The following TRIO variants were observed in gnomAD, a reference collection of about 807,000 sequenced individuals.
TRIO encodes triple functional domain protein.
In TRIO, 58 loss-of-function variants were observed where a neutral mutation model predicts 351.9. The ratio of observed to expected loss-of-function variants is 0.16; its 90% confidence interval spans 0.13 to 0.21. The LOEUF is 0.21. Among genes scored for constraint, TRIO ranks in the 10% least tolerant of loss-of-function variants. The pLI is 1.00. For synonymous variants in TRIO, 1,758 were observed against 1,595.7 expected (o/e 1.10, Z -2.42); for missense variants, 3,201 against 4,027.8 (o/e 0.79, Z 5.56).
intron 41 of TRIO, among the ~76,000 whole-genome samples, chr5:14,478,020 T>C (rs1755219436): frequency 6.6e-6 from 1 of 152,184 alleles, no homozygotes; most frequent in Admixed American, 6.5e-5. Context: ...TTCAAGAAAA[T>C]GTCTAGCAGA....
intron 1 of TRIO, among the ~76,000 whole-genome samples, chr5:14,241,488 G>C (rs1794126249): frequency 6.6e-6 from 1 of 152,190 alleles, no homozygotes; most frequent in East Asian, 1.9e-4. Flanking sequence ...GGGAGTAATA[G>C]AGTAAGCTGT....
chr5:14,185,880 C>A (rs1790077519), intron 1 of TRIO, among the ~76,000 whole-genome samples: 1 of 152,134 alleles, frequency 6.6e-6, no homozygotes, highest in Admixed American at 6.5e-5. Context: ...TGGAGTTTTT[C>A]ATCTTCCAAT....
chr5:14,492,647 C>G lies in TRIO; in HGVS notation c.7713C>G (p.Asn2571Lys). 1 of 1,614,166 alleles carries G rather than the reference C, an allele frequency of 6.2e-7. No individual in the cohort carries two copies. Among genetic ancestry groups the G allele is most frequent in the African/African-American group, 1.3e-5 (1 of 75,032 alleles). The change falls in exon 49 of 57, where the codon AAC becomes AAG. Residue 2571 changes from asparagine to lysine, a missense_variant. This residue lies in a region of TRIO where 1,089 missense variants were observed against 954.9 expected (regional missense o/e 1.14). Coordinates refer to ENST00000344204, the MANE Select transcript of TRIO (RefSeq NM_007118.4). Reference protein sequence around the residue: ...DYTAVKEDEINVYQGEVVQIL... With the variant: ...DYTAVKEDEIKVYQGEVVQIL... ...CGGCAGTGAAGGAGGATGAGATCAACGTCTACCAAGGAGAGGTCGTTCAAA... is the reference window on the plus strand; with the variant it reads ...CGGCAGTGAAGGAGGATGAGATCAAGGTCTACCAAGGAGAGGTCGTTCAAA...
Position 14,280,711 on chromosome 5 carries a change from A to G in TRIO, c.347+275A>G, listed in dbSNP as rs536267760. 2.0e-4 allele frequency among the ~76,000 whole-genome samples: 31 copies of G among 152,326 alleles called. No homozygotes were observed. In the Middle Eastern group the frequency reaches 0.014, roughly 67 times the overall value. On this transcript the variant is annotated intron_variant, in intron 3 of 56. Coordinates refer to ENST00000344204, the MANE Select transcript of TRIO (RefSeq NM_007118.4). ...GATTTCAGGATGTGGCGCCTGAGTT[A>G]GAAAGCCATTGTTGATGATTCTAAT...
At position 14,504,530 on chromosome 5, in the gene TRIO, C is replaced by G; in HGVS notation, c.8549C>G (p.Pro2850Arg). 1.2e-6 allele frequency: 2 copies of G among 1,614,114 alleles called. No individual in the cohort carries two copies. Among genetic ancestry groups the G allele is most frequent in the Non-Finnish European group, 1.7e-6 (2 of 1,180,026 alleles). Reference sequence around the variant, plus strand: ...GGCATCCTGCAGAGCCTCCAGCACCCCCTGCTTGTCGGCCTCCTCGACACC... The same window carrying G: ...GGCATCCTGCAGAGCCTCCAGCACCGCCTGCTTGTCGGCCTCCTCGACACC... ...ELGILQSLQHPLLVGLLDTFE... is the reference protein window; with the variant it reads ...ELGILQSLQHRLLVGLLDTFE... Residue 2850 changes from proline (P) to arginine (R), a missense_variant, in exon 55 of 57, where the codon CCC (proline) becomes CGC (arginine). By Grantham distance (103) the Pro-to-Arg change is moderately radical. This residue lies in a region of TRIO where 1,089 missense variants were observed against 954.9 expected (regional missense o/e 1.14). Coordinates refer to ENST00000344204, the MANE Select transcript of TRIO (RefSeq NM_007118.4).
At chr5:14,193,969 T>C (rs1209129185) in intron 1 of TRIO, among the ~76,000 whole-genome samples, 1 of 152,192 alleles carries the variant, frequency 6.6e-6, no homozygotes, top group Non-Finnish European at 1.5e-5. Context: ...GTCTGTCTTA[T>C]CTTCCCGGTA....
chr5:14,260,141 C>T (rs1237130906), intron 1 of TRIO, among the ~76,000 whole-genome samples: 1 of 152,314 alleles, frequency 6.6e-6, no homozygotes, highest in East Asian at 1.9e-4. Context: ...CCACAGCAAG[C>T]GTTTCCAACC....
In TRIO at chr5:14,507,951, T is replaced by C. The variant is rs752897786; in HGVS notation, c.8823T>C (p.Val2941=). The change falls in exon 57 of 57, where the codon GTT becomes GTC. Residue 2941 remains valine, a synonymous_variant. Coordinates refer to ENST00000344204, the MANE Select transcript of TRIO (RefSeq NM_007118.4). ...AACTGGCTGACTTTGGAGATGCTGTTCAGCTCAACACGACCTACTACATCC... is the reference window on the plus strand; with the variant it reads ...AACTGGCTGACTTTGGAGATGCTGTCCAGCTCAACACGACCTACTACATCC... ...TIKLADFGDA[V]QLNTTYYIHQ... 2 of 1,614,204 alleles carry C rather than the reference T, an allele frequency of 1.2e-6. No homozygotes were observed. The highest frequency in any genetic ancestry group is 8.5e-7 in the Non-Finnish European group (1 of 1,180,042).
At chr5:14,479,526 T>G (rs1755357970) in intron 42 of TRIO, among the ~76,000 whole-genome samples, 176 bp downstream of exon 42, 1 of 152,200 alleles carries the variant, frequency 6.6e-6, no homozygotes, top group South Asian at 2.1e-4. Flanking sequence ...AGTATGAATT[T>G]AGTCTGTGGT....
At position 14,149,910 on chromosome 5, in the gene TRIO, TG is replaced by T. The variant is rs1014106815; in HGVS notation, c.157+6029del. Among the ~76,000 whole-genome samples the T allele has an allele frequency of 2.9e-4, 44 of 152,348 alleles. 1 individual carries two copies. In the East Asian group the frequency reaches 8.5e-3, roughly 29 times the overall value. On this transcript the variant is annotated intron_variant, in intron 1 of 56. Coordinates refer to ENST00000344204, the MANE Select transcript of TRIO (RefSeq NM_007118.4). ...TTGACTTTGTGGTGTCCACGTGAGT[TG>T]ATCAGGCTTGTTTTCTCACAGTCTG... is the stretch of plus-strand genomic sequence containing the variant.
chr5:14,303,676 T>C (rs2451825), intron 7 of TRIO, among the ~76,000 whole-genome samples: 4 of 130,800 alleles, frequency 3.1e-5, no homozygotes, highest in South Asian at 2.7e-4. Flanking sequence ...GGATGGCTGC[T>C]GCAGAACTGT....
intron 1 of TRIO, among the ~76,000 whole-genome samples, chr5:14,266,366 C>T (rs1795678574): frequency 1.3e-5 from 2 of 152,162 alleles, no homozygotes; most frequent in South Asian, 2.1e-4. Context: ...CTGATGAATG[C>T]CCTTTGCCTG....
intron 1 of TRIO, among the ~76,000 whole-genome samples, chr5:14,163,712 A>G (rs1377527758): frequency 6.6e-6 from 1 of 152,234 alleles, no homozygotes; most frequent in Non-Finnish European, 1.5e-5. Context: ...TGTACCTAAA[A>G]CATTTCAAAT....
chr5:14,418,457 C>T (rs1347511552), intron 33 of TRIO, among the ~76,000 whole-genome samples: 1 of 152,088 alleles, frequency 6.6e-6, no homozygotes, highest in African/African-American at 2.4e-5. Flanking sequence ...ATCGGAGAGC[C>T]GCGCAACATC....
Position 14,480,634 on chromosome 5 carries a change from G to A in TRIO, c.6337-600G>A, listed in dbSNP as rs73749281. Among the ~76,000 whole-genome samples the A allele has an allele frequency of 4.4e-3, 668 of 152,250 alleles. 10 individuals are homozygous for A. The highest frequency in any genetic ancestry group is 0.016 in the African/African-American group (650 of 41,558). The stretch of plus-strand genomic sequence containing the variant: ...ACTTCAAGTGTATTGATATTCCTTC[G>A]TGTACAACGCCTAGGACCTGGATCT... On this transcript the variant is annotated intron_variant, in intron 43 of 56. Coordinates refer to ENST00000344204, the MANE Select transcript of TRIO (RefSeq NM_007118.4).
chr5:14,455,867 G>A (rs143932607), intron 34 of TRIO, among the ~76,000 whole-genome samples: 3,188 of 152,362 alleles, frequency 0.021, 119 homozygotes, highest in African/African-American at 0.073. Context: ...AGGCGGAGCT[G>A]CCCGCCAGTC....
intron 2 of TRIO, among the ~76,000 whole-genome samples, chr5:14,276,220 A>G (rs1217014660): frequency 1.3e-5 from 2 of 152,106 alleles, no homozygotes; most frequent in African/African-American, 2.4e-5. Flanking sequence ...GAGAAGGGGA[A>G]CCTTCCATTC....
At chr5:14,218,960 C>T (rs1164778058) in intron 1 of TRIO, among the ~76,000 whole-genome samples, 1 of 152,234 alleles carries the variant, frequency 6.6e-6, no homozygotes, top group Non-Finnish European at 1.5e-5. Flanking sequence ...GAAGCTGTTG[C>T]TCTGCGCCTT....
intron 20 of TRIO, 21 bp from the exon 21 acceptor site, chr5:14,381,108 CA>C: frequency 6.2e-7 from 1 of 1,609,378 alleles, no homozygotes; most frequent in Non-Finnish European, 8.5e-7. Flanking sequence ...CCTCTGACTC[CA>C]TTCATTCCTT....
Sources: allele counts gnomAD v4.1 joint callset (sites outside exome capture counted in the v4.1 genomes callset), GRCh38; gene constraint gnomAD v4.1.1; regional missense constraint gnomAD v4.1.1; transcripts MANE v1.5; gene names NCBI Gene and HGNC (gene_info 2026-07-23, HGNC 2026-07-21).